Variants in PAFAH1B1 observed in about 807,000 individuals in gnomAD.
PAFAH1B1 encodes platelet activating factor acetylhydrolase 1b regulatory subunit 1, also known as platelet-activating factor acetylhydrolase IB subunit beta.
A neutral mutation model predicts 57.5 loss-of-function variants in PAFAH1B1; 2 were observed. The observed-to-expected ratio is 0.03, with a 90% CI of 0.01 to 0.11. PAFAH1B1 has a LOEUF of 0.11. Ranked by LOEUF, PAFAH1B1 falls within the 10% of genes least tolerant of loss-of-function variation. The probability of loss-of-function intolerance (pLI) is 1.00; values close to 1 mark genes in which losing one functional copy is unlikely to be tolerated. For synonymous variants in PAFAH1B1, 152 were observed against 169.6 expected, an observed-to-expected ratio of 0.90 and a Z score of 0.81; for missense variants, 257 against 512.0, an observed-to-expected ratio of 0.50 and a Z score of 4.81.
At position 2,665,469 on chromosome 17, in the gene PAFAH1B1, T is replaced by A. The variant is rs764314758; in HGVS notation, c.117+13T>A. On this transcript the variant is annotated intron_variant, in intron 3 of 10. Transcript: ENST00000397195. ...TGAATTAGATGTGGTATGTTTTACT[T>A]TTTACAATTCAAAGTATAGTTAATG... 6.9e-7 allele frequency: 1 copy of A among 1,441,220 alleles called. No homozygotes were observed. The highest frequency in any genetic ancestry group is 9.8e-7 in the Non-Finnish European group (1 of 1,023,268). 89.3% of individuals were successfully genotyped at this position (1,441,220 alleles called of 1,614,324 possible).
intron 1 of PAFAH1B1, chr17:2,613,812 A>T (rs1051860916): frequency 7.0e-6 from 2 of 287,226 alleles, no homozygotes; most frequent in Non-Finnish European, 1.4e-5. Flanking sequence ...CCGGGCGAGC[A>T]TCTCCACTCG....
chr17:2,668,248 C>A (rs553157842), intron 5 of PAFAH1B1, among the ~76,000 whole-genome samples: 1 of 149,814 alleles, frequency 6.7e-6, no homozygotes, highest in East Asian at 1.9e-4. Flanking sequence ...TTCGCTTGAA[C>A]CCAGGAGACA....
chr17:2,672,803 C>A, intron 7 of PAFAH1B1, 46 bp downstream of exon 7: 1 of 1,197,918 alleles, frequency 8.3e-7, no homozygotes, highest in Non-Finnish European at 1.2e-6. Context: ...GGTGCAGTGG[C>A]TCACACCTGT....
At chr17:2,652,150 G>GC (rs1567547492) in intron 2 of PAFAH1B1, among the ~76,000 whole-genome samples, 2 of 50,440 alleles carry the variant, frequency 4.0e-5, no homozygotes, top group African/African-American at 7.9e-5. Context: ...AGTGGCTCAC[G>GC]CCTGTAATCC....
chr17:2,617,086 T>A (rs1412879262), intron 1 of PAFAH1B1, among the ~76,000 whole-genome samples: 2 of 152,050 alleles, frequency 1.3e-5, no homozygotes, highest in East Asian at 3.9e-4. Context: ...AAAAAATGAT[T>A]GCTCTTAATA....
intron 2 of PAFAH1B1, among the ~76,000 whole-genome samples, chr17:2,648,250 C>A (rs2068795484): frequency 6.6e-6 from 1 of 152,130 alleles, no homozygotes; most frequent in Admixed American, 6.5e-5. Context: ...GATCCAGTTA[C>A]CTTCCACCGG....
intron 1 of PAFAH1B1, among the ~76,000 whole-genome samples, chr17:2,620,727 T>C: frequency 6.6e-6 from 1 of 152,078 alleles, no homozygotes; most frequent in African/African-American, 2.4e-5. Flanking sequence ...CTGGGTATGG[T>C]GGCGCGTACC....
intron 3 of PAFAH1B1, among the ~76,000 whole-genome samples, 164 bp from the exon 4 acceptor site, chr17:2,665,852 T>G (rs1169018772): frequency 1.3e-5 from 2 of 152,164 alleles, no homozygotes; most frequent in Admixed American, 1.3e-4. Context: ...TCCACCCGCC[T>G]TAGCTTCCCA....
intron 6 of PAFAH1B1, 79 bp downstream of exon 6, chr17:2,670,410 A>T: frequency 7.7e-7 from 1 of 1,306,932 alleles, no homozygotes; most frequent in South Asian, 1.2e-5. Context: ...AACAGTGTAC[A>T]GTGTTCCTTT....
At chr17:2,633,175 CTTT>C (rs1235067252) in intron 1 of PAFAH1B1, among the ~76,000 whole-genome samples, 3 of 142,750 alleles carry the variant, frequency 2.1e-5, no homozygotes, top group African/African-American at 2.6e-5. Flanking sequence ...TCTTTCTTTT[CTTT>C]TTTTTTTTTG....
At chr17:2,632,444 G>T (rs1329472708) in intron 1 of PAFAH1B1, among the ~76,000 whole-genome samples, 2 of 152,136 alleles carry the variant, frequency 1.3e-5, no homozygotes, top group Admixed American at 6.6e-5. Flanking sequence ...TAATCCAGAG[G>T]TTTCCCTTTC....
intron 2 of PAFAH1B1, among the ~76,000 whole-genome samples, chr17:2,658,637 G>T (rs1003007021): frequency 6.6e-6 from 1 of 152,056 alleles, no homozygotes; most frequent in African/African-American, 2.4e-5. Context: ...CTTTTTGCTT[G>T]ATGGGGAAGA....
At chr17:2,622,710 C>T (rs1445903602) in intron 1 of PAFAH1B1, among the ~76,000 whole-genome samples, 1 of 152,194 alleles carries the variant, frequency 6.6e-6, no homozygotes, top group Non-Finnish European at 1.5e-5. Context: ...CAGTGGCCCT[C>T]TTCTCACAGC....
intron 1 of PAFAH1B1, among the ~76,000 whole-genome samples, chr17:2,628,111 T>C (rs2068514171): frequency 6.6e-6 from 1 of 152,214 alleles, no homozygotes; most frequent in African/African-American, 2.4e-5. Context: ...CTTCCAGTAC[T>C]ATGTTGAAGA....
At chr17:2,671,750 G>A (rs1450131415) in intron 6 of PAFAH1B1, among the ~76,000 whole-genome samples, 1 of 151,722 alleles carries the variant, frequency 6.6e-6, no homozygotes, top group Non-Finnish European at 1.5e-5. Flanking sequence ...ATACAGGCAA[G>A]CACCACCACA....
intron 2 of PAFAH1B1, among the ~76,000 whole-genome samples, chr17:2,650,033 CAAAAG>C (rs2068827482): frequency 1.3e-5 from 2 of 152,024 alleles, no homozygotes; most frequent in African/African-American, 4.8e-5. Flanking sequence ...AATGTAGAAA[CAAAAG>C]GAAGACTGGT....
intron 1 of PAFAH1B1, among the ~76,000 whole-genome samples, chr17:2,636,967 T>C (rs756238613): frequency 5.3e-5 from 8 of 152,088 alleles, no homozygotes; most frequent in Non-Finnish European, 7.4e-5. Flanking sequence ...GTGATCCTCT[T>C]GCCTTAACCT....
intron 9 of PAFAH1B1, among the ~76,000 whole-genome samples, chr17:2,678,880 C>T (rs977337661): frequency 6.6e-6 from 1 of 152,164 alleles, no homozygotes; most frequent in African/African-American, 2.4e-5. Context: ...GTTGCTGTCT[C>T]TTTTTAAAAC....
intron 1 of PAFAH1B1, among the ~76,000 whole-genome samples, chr17:2,612,598 A>G (rs1403874958): frequency 3.9e-5 from 6 of 152,058 alleles, no homozygotes; most frequent in Non-Finnish European, 8.8e-5. Flanking sequence ...CGCCAACTAT[A>G]GCTAGCAAGT....
Sources: gnomAD v4.1 joint callset for allele counts (sites outside exome capture counted in the v4.1 genomes callset) on GRCh38, gnomAD v4.1.1 for gene constraint, MANE v1.5 for transcripts, NCBI Gene and HGNC (gene_info 2026-07-23, HGNC 2026-07-21) for gene names.